CFAP161: variants seen among roughly 807,000 people sequenced by gnomAD.
CFAP161 encodes the protein cilia- and flagella-associated protein 161.
CFAP161 carries 25 observed loss-of-function variants against 29.0 expected under a neutral mutation model. The ratio of observed to expected loss-of-function variants is 0.86; its 90% confidence interval spans 0.63 to 1.20. The LOEUF is 1.20. Ranked by LOEUF, CFAP161 falls within the 50% of genes most tolerant of loss-of-function variation. CFAP161 has a pLI of 0.00. For missense variants in CFAP161, 367 were observed against 371.9 expected, an observed-to-expected ratio of 0.99 and a Z score of 0.11; for synonymous variants, 116 against 137.4, an observed-to-expected ratio of 0.84 and a Z score of 1.09.
rs1228094863 is a variant in CFAP161, at chr15:81,148,431, TGG to T, written c.806_807del (p.Gly269GlufsTer30). The part of the protein sequence containing the change: ...KPRNHWMLVT[G>X]NPRDASSSML... ...CAAGGAACCACTGGATGTTGGTTAC[TGG>T]GAATCCCAGGGATGCCTCGTCCTCC... On this transcript the variant is annotated frameshift_variant, in exon 7 of 7. Coordinates refer to ENST00000286732, the MANE Select transcript of CFAP161 (RefSeq NM_173528.4). LOFTEE classifies it low-confidence loss of function (END_TRUNC). 1.2e-6 allele frequency: 2 copies of T among 1,614,234 alleles called. No individual in the cohort carries two copies. Among genetic ancestry groups the T allele is most frequent in the Non-Finnish European group, 1.7e-6 (2 of 1,180,048 alleles).
chr15:81,134,810 G>A (rs911391792), intron 1 of CFAP161, among the ~76,000 whole-genome samples: 15 of 152,042 alleles, frequency 9.9e-5, no homozygotes, highest in Admixed American at 9.2e-4. Flanking sequence ...ACCCTGCCAC[G>A]CTTGCCCTCT....
upstream of CFAP161, among the ~76,000 whole-genome samples, chr15:81,131,961 T>C (rs1285640114): frequency 3.3e-5 from 5 of 152,170 alleles, no homozygotes; most frequent in Admixed American, 2.6e-4. Flanking sequence ...ATAAGATTAA[T>C]AGCTGATTTC....
At chr15:81,105,930 A>C (rs932780700) in intron 1 of CFAP161, among the ~76,000 whole-genome samples, 1 of 152,226 alleles carries the variant, frequency 6.6e-6, no homozygotes, top group South Asian at 2.1e-4. Flanking sequence ...CCCCTTGTCT[A>C]TCAGGCATTG....
chr15:81,133,692 G>A (rs1470865469), upstream of CFAP161, among the ~76,000 whole-genome samples: 2 of 152,018 alleles, frequency 1.3e-5, no homozygotes, highest in African/African-American at 4.8e-5. Flanking sequence ...GAAGGAGGGA[G>A]CAAGGGAGGG....
intron 3 of CFAP161, among the ~76,000 whole-genome samples, chr15:81,136,990 C>A (rs1409319344): frequency 1.3e-5 from 2 of 152,046 alleles, no homozygotes; most frequent in African/African-American, 2.4e-5. Context: ...GTATAGGATC[C>A]AGGGAATTAA....
chr15:81,127,937 A>G (rs1894661493), intron 2 of CFAP161, among the ~76,000 whole-genome samples: 1 of 152,262 alleles, frequency 6.6e-6, no homozygotes, highest in African/African-American at 2.4e-5. Context: ...AAGAAAAGAT[A>G]AAGGTTTTTA....
chr15:81,148,241 C>A, intron 6 of CFAP161, 97 bp from the exon 7 acceptor site: 1 of 1,224,736 alleles, frequency 8.2e-7, no homozygotes, highest in Non-Finnish European at 1.2e-6. Flanking sequence ...ATCTAGCAAT[C>A]CGCTTCTTAA....
intron 1 of CFAP161, among the ~76,000 whole-genome samples, chr15:81,109,175 T>C (rs1894411305): frequency 6.6e-6 from 1 of 152,166 alleles, no homozygotes; most frequent in Non-Finnish European, 1.5e-5. Flanking sequence ...CTCCAGAAAG[T>C]CAACAAGAAA....
intron 5 of CFAP161, among the ~76,000 whole-genome samples, chr15:81,146,536 A>G (rs1333000276): frequency 1.3e-5 from 2 of 152,004 alleles, no homozygotes; most frequent in African/African-American, 4.8e-5. Flanking sequence ...CATCATACAG[A>G]TATCTACAAT....
chr15:81,147,589 T>C (rs746678108), intron 5 of CFAP161, among the ~76,000 whole-genome samples: 13 of 152,130 alleles, frequency 8.5e-5, no homozygotes, highest in Non-Finnish European at 1.8e-4. Context: ...CTGAATACTG[T>C]AGGTAACTGT....
intron 1 of CFAP161, among the ~76,000 whole-genome samples, chr15:81,102,533 G>A (rs115106676): frequency 1.9e-3 from 288 of 152,206 alleles, no homozygotes; most frequent in African/African-American, 6.5e-3. Flanking sequence ...ATTAGTTGAC[G>A]TGGTGGTGCA....
chr15:81,107,744 AAAAT>A (rs1894389453), intron 1 of CFAP161, among the ~76,000 whole-genome samples: 1 of 152,166 alleles, frequency 6.6e-6, no homozygotes, highest in South Asian at 2.1e-4. Context: ...AAAATAAAAT[AAAAT>A]AAATAAACAG....
chr15:81,143,845 G>T (rs772319154), intron 5 of CFAP161, 25 bp downstream of exon 5: 35 of 1,604,308 alleles, frequency 2.2e-5, no homozygotes, highest in Non-Finnish European at 3.0e-5. Context: ...GGGAAGACAT[G>T]GGTGTCTAGG....
At chr15:81,135,200 T>G (rs1039490328) in intron 1 of CFAP161, 70 bp from the exon 2 acceptor site, 2 of 1,110,854 alleles carry the variant, frequency 1.8e-6, no homozygotes, top group African/African-American at 1.6e-5. Context: ...TTGGAAGAGC[T>G]TCTGACCTAA....
intron 1 of CFAP161, among the ~76,000 whole-genome samples, chr15:81,106,758 C>G (rs1197396227): frequency 6.6e-6 from 1 of 152,144 alleles, no homozygotes; most frequent in African/African-American, 2.4e-5. Flanking sequence ...TGAGACATTA[C>G]TTTTGAGCAT....
At chr15:81,103,804 G>A (rs763361409) in intron 1 of CFAP161, among the ~76,000 whole-genome samples, 1 of 152,168 alleles carries the variant, frequency 6.6e-6, no homozygotes, top group Non-Finnish European at 1.5e-5. Context: ...TGGCTTGAGG[G>A]GTAGTCTTGG....
intron 1 of CFAP161, among the ~76,000 whole-genome samples, chr15:81,112,479 A>ACC (rs1244008091): frequency 3.9e-5 from 6 of 152,228 alleles, no homozygotes; most frequent in Admixed American, 1.3e-4. Context: ...ATCTTTATGA[A>ACC]CTTAAAATTA....
chr15:81,135,234 A>G (rs12900447), intron 1 of CFAP161, 36 bp from the exon 2 acceptor site: 133,129 of 1,437,756 alleles, frequency 0.093, 6,809 homozygotes, highest in South Asian at 0.13. Context: ...TAACATCTAT[A>G]TTATTCAGGG....
chr15:81,120,898 C>A (rs1212182666), intron 1 of CFAP161, among the ~76,000 whole-genome samples: 1 of 152,162 alleles, frequency 6.6e-6, no homozygotes, highest in Non-Finnish European at 1.5e-5. Context: ...TAGAAACTGT[C>A]TGTAGTTTAG....
Sources: allele counts gnomAD v4.1 joint callset (sites outside exome capture counted in the v4.1 genomes callset), GRCh38; gene constraint gnomAD v4.1.1; transcripts MANE v1.5; gene names NCBI Gene and HGNC (gene_info 2026-07-23, HGNC 2026-07-21).